Variants in ALMS1 observed in about 807,000 individuals in gnomAD.
ALMS1 encodes the protein ALMS1 centrosome and basal body associated protein.
ALMS1 carries 271 observed loss-of-function variants against 352.2 expected under a neutral mutation model. The observed-to-expected ratio is 0.77, with a 90% CI of 0.70 to 0.85. The LOEUF (loss-of-function observed/expected upper bound fraction) is 0.85. Among genes scored for constraint, ALMS1 ranks in the 40% least tolerant of loss-of-function variants. The pLI is 0.00. For synonymous variants in ALMS1, 1,865 were observed against 1,761.2 expected, an observed-to-expected ratio of 1.06 and a Z score of -1.48; for missense variants, 5,445 against 4,870.7, an observed-to-expected ratio of 1.12 and a Z score of -3.51.
In ALMS1 at chr2:73,453,341, A is replaced by G. The variant is rs1411759189; in HGVS notation, c.6814A>G (p.Met2272Val). Residue 2272 changes from methionine (M) to valine (V), a missense_variant, in exon 8 of 23, where the codon ATG (methionine) becomes GTG (valine). Transcript: ENST00000613296. ...GACACTTTTGATGGAGGCAGAAAAT[A>G]TGGCACTGAAACGATGCAATTTTCC... is the stretch of plus-strand genomic sequence containing the variant. ...IRTLLMEAEN[M>V]ALKRCNFPAP... is the part of the protein sequence containing the mutation. The G allele has an allele frequency of 1.9e-6, 3 of 1,613,970 alleles. No individual in the cohort carries two copies. Among genetic ancestry groups the G allele is most frequent in the Admixed American group, 1.7e-5 (1 of 59,966 alleles).
At chr2:73,506,716 C>T in intron 10 of ALMS1, among the ~76,000 whole-genome samples, 1 of 152,170 alleles carries the variant, frequency 6.6e-6, no homozygotes, top group East Asian at 1.9e-4. Flanking sequence ...ACAATCGTGT[C>T]ATCTGCAAAC....
chr2:73,522,352 C>G (rs1476186857), intron 11 of ALMS1, among the ~76,000 whole-genome samples: 1 of 152,080 alleles, frequency 6.6e-6, no homozygotes, highest in South Asian at 2.1e-4. Flanking sequence ...CTAACAATAA[C>G]TACGGGAACG....
chr2:73,498,410 C>T (rs1008563391), intron 10 of ALMS1, among the ~76,000 whole-genome samples: 1 of 152,012 alleles, frequency 6.6e-6, no homozygotes, highest in African/African-American at 2.4e-5. Flanking sequence ...CATTGAGTTG[C>T]AAACAATGCA....
intron 10 of ALMS1, among the ~76,000 whole-genome samples, chr2:73,501,886 T>C (rs940480803): frequency 2.0e-5 from 3 of 152,134 alleles, no homozygotes; most frequent in Non-Finnish European, 2.9e-5. Flanking sequence ...AGTCTTCCTA[T>C]GCATGAACAT....
At chr2:73,408,862 G>GTTTT (rs1300532075) in intron 2 of ALMS1, 115 bp downstream of exon 2, 16 of 178,266 alleles carry the variant, frequency 9.0e-5, no homozygotes, top group South Asian at 2.1e-4. Flanking sequence ...ATGTTTTCTT[G>GTTTT]TCTTTTTTTT....
rs1200119538 is a variant in ALMS1, at chr2:73,453,023, C to G, written c.6496C>G (p.Leu2166Val). ...LPDRHLTEDA[L>V]KISSALGQAD... Reference sequence around the variant, plus strand: ...AGATAGACATCTAACTGAAGATGCTCTAAAGATCTCAAGTGCTCTTGGGCA... The same window carrying G: ...AGATAGACATCTAACTGAAGATGCTGTAAAGATCTCAAGTGCTCTTGGGCA... The change falls in exon 8 of 23, where the codon CTA (leucine) becomes GTA (valine). Residue 2166 changes from leucine to valine, a missense_variant. By Grantham distance (32) the Leu-to-Val change is conservative. Transcript: ENST00000613296. The G allele has an allele frequency of 4.3e-6, 7 of 1,613,308 alleles. No homozygotes were observed. Among genetic ancestry groups the G allele is most frequent in the Admixed American group, 1.7e-5 (1 of 59,968 alleles).
At chr2:73,500,272 G>A (rs551783093) in intron 10 of ALMS1, among the ~76,000 whole-genome samples, 2 of 152,176 alleles carry the variant, frequency 1.3e-5, no homozygotes, top group Non-Finnish European at 2.9e-5. Context: ...GTAGGTTGTT[G>A]TTCCAAGTCC....
rs1573019322 is a variant in ALMS1, at chr2:73,558,882, A to G, written c.10214-90A>G. On this transcript the variant is annotated intron_variant, in intron 14 of 22. Coordinates refer to ENST00000613296, the MANE Select transcript of ALMS1 (RefSeq NM_001378454.1). ...CTTTTTTCTTCAATATCAGTAACAA[A>G]GCCTTTCACATAATACGTACTTGAG... 1.6e-5 allele frequency: 22 copies of G among 1,372,606 alleles called. No individual in the cohort carries two copies. The South Asian group carries it at 2.6e-4, about 16-fold the overall frequency. The allele number at this position is 1,372,606 out of a possible 1,614,324, so 85.0% of individuals were successfully genotyped here.
At chr2:73,563,433 T>A (rs1452697631) in intron 15 of ALMS1, among the ~76,000 whole-genome samples, 1 of 151,896 alleles carries the variant, frequency 6.6e-6, no homozygotes, top group South Asian at 2.1e-4. Flanking sequence ...TAAAAAAGAA[T>A]GAAGGAGGGC....
At chr2:73,436,953 G>T (rs1369641729) in intron 7 of ALMS1, among the ~76,000 whole-genome samples, 2 of 152,134 alleles carry the variant, frequency 1.3e-5, no homozygotes, top group Non-Finnish European at 2.9e-5. Context: ...TTACTTTTCT[G>T]TTATTGTTCT....
intron 2 of ALMS1, among the ~76,000 whole-genome samples, chr2:73,415,561 T>C (rs1671168950): frequency 6.6e-6 from 1 of 152,188 alleles, no homozygotes; most frequent in South Asian, 2.1e-4. Flanking sequence ...TCTACAATTA[T>C]TGAAGGTCAT....
At chr2:73,422,429 G>A (rs1671302651) in intron 3 of ALMS1, among the ~76,000 whole-genome samples, 1 of 152,060 alleles carries the variant, frequency 6.6e-6, no homozygotes. Context: ...GCTATGCTTT[G>A]ACATAACGGG....
intron 7 of ALMS1, among the ~76,000 whole-genome samples, chr2:73,432,689 T>A (rs186978986): frequency 1.1e-4 from 17 of 152,068 alleles, no homozygotes; most frequent in African/African-American, 3.9e-4. Flanking sequence ...GTCCTCATGA[T>A]CTAATTGCTT....
chr2:73,477,074 C>G (rs1201135631), intron 9 of ALMS1, among the ~76,000 whole-genome samples: 1 of 152,104 alleles, frequency 6.6e-6, no homozygotes, highest in African/African-American at 2.4e-5. Flanking sequence ...TACCTTTTCA[C>G]TCTGTTGATG....
chr2:73,400,488 G>A (rs116754312), intron 1 of ALMS1, among the ~76,000 whole-genome samples: 93 of 152,258 alleles, frequency 6.1e-4, no homozygotes, highest in African/African-American at 2.2e-3. Flanking sequence ...CTCTGATTCT[G>A]TCTTCTGAGA....
chr2:73,451,398 C>G lies in ALMS1; in HGVS notation c.4871C>G (p.Pro1624Arg). ...PLGSSALGEK[P>R]ITFYRQALLD... ...GGTTCCAGTGCACTTGGAGAGAAGC[C>G]CATTACTTTCTACCGGCAGGCTCTG... Residue 1624 changes from proline (P) to arginine (R), a missense_variant, in exon 8 of 23, where the codon CCC becomes CGC. By Grantham distance (103) the Pro-to-Arg change is moderately radical (BLOSUM62 -2). Transcript: ENST00000613296. 1 of 1,613,904 alleles carries G rather than the reference C, an allele frequency of 6.2e-7. No homozygotes were observed. Among genetic ancestry groups the G allele is most frequent in the Non-Finnish European group, 8.5e-7 (1 of 1,179,984 alleles).
At position 73,601,219 on chromosome 2, in the gene ALMS1, A is replaced by G. The variant is rs377523400; in HGVS notation, c.11897A>G (p.Glu3966Gly). ...HEGVSWFVPV[E>G]NVESRSKKEN... ...GGAGTTTCCTGGTTTGTTCCTGTGGAAAATGTGGAGTCTAGATCAAAGAAG... is the reference window on the plus strand; with the variant it reads ...GGAGTTTCCTGGTTTGTTCCTGTGGGAAATGTGGAGTCTAGATCAAAGAAG... The change falls in exon 19 of 23, where the codon GAA becomes GGA. Residue 3966 changes from glutamate (E) to glycine (G), a missense_variant. Physicochemically the swap from Glu to Gly is moderately conservative, Grantham distance 98. Coordinates refer to ENST00000613296, the MANE Select transcript of ALMS1 (RefSeq NM_001378454.1). 6.2e-7 allele frequency: 1 copy of G among 1,614,116 alleles called. No individual in the cohort carries two copies. Among genetic ancestry groups the G allele is most frequent in the South Asian group, 1.1e-5 (1 of 91,068 alleles).
Position 73,572,600 on chromosome 2 carries a change from G to A in ALMS1, c.10723G>A (p.Gly3575Arg), listed in dbSNP as rs752099349. Reference sequence around the variant, plus strand: ...AGTTAGAGATTATCCAAAACATAATGGACAAATTAGTGATCCACAAAGGGA... The same window carrying A: ...AGTTAGAGATTATCCAAAACATAATAGACAAATTAGTGATCCACAAAGGGA... ...SQVRDYPKHN[G>R]QISDPQRDQK... Residue 3575 changes from glycine (G) to arginine (R), a missense_variant, in exon 16 of 23, where the codon GGA becomes AGA. By Grantham distance (125) the Gly-to-Arg change is moderately radical (BLOSUM62 -2). Coordinates refer to ENST00000613296, the MANE Select transcript of ALMS1 (RefSeq NM_001378454.1). 6.2e-7 allele frequency: 1 copy of A among 1,613,862 alleles called. No homozygotes were observed. Among genetic ancestry groups the A allele is most frequent in the African/African-American group, 1.3e-5 (1 of 75,026 alleles).
At chr2:73,549,604 TC>T (rs1674387613) in intron 12 of ALMS1, among the ~76,000 whole-genome samples, 1 of 152,190 alleles carries the variant, frequency 6.6e-6, no homozygotes, top group Non-Finnish European at 1.5e-5. Flanking sequence ...ATGCCTTTCT[TC>T]CTTCCTCTCT....
Sources: gnomAD v4.1 joint callset for allele counts (sites outside exome capture counted in the v4.1 genomes callset) on GRCh38, gnomAD v4.1.1 for gene constraint, MANE v1.5 for transcripts, NCBI Gene and HGNC (gene_info 2026-07-23, HGNC 2026-07-21) for gene names.